CACNA1I: variants seen among roughly 807,000 people sequenced by gnomAD.
CACNA1I encodes calcium voltage-gated channel subunit alpha1 I, also known as voltage-dependent T-type calcium channel subunit alpha-1I.
In CACNA1I, 74 loss-of-function variants were observed where a neutral mutation model predicts 201.6. That is an observed-to-expected ratio of 0.37 (90% confidence interval 0.30 to 0.45). The LOEUF (loss-of-function observed/expected upper bound fraction) is 0.45. Ranked by LOEUF, CACNA1I falls within the 20% of genes least tolerant of loss-of-function variation. The pLI is 1.00. For missense variants in CACNA1I, 2,346 were observed against 3,138.1 expected (o/e 0.75, Z 6.03); for synonymous variants, 1,431 against 1,345.2 (o/e 1.06, Z -1.40).
chr22:39,619,933 G>GTCCA (rs778287495), intron 4 of CACNA1I, among the ~76,000 whole-genome samples: 8 of 150,934 alleles, frequency 5.3e-5, no homozygotes, highest in South Asian at 4.2e-4. Flanking sequence ...CTATCCACCT[G>GTCCA]TCCATCCATC....
At chr22:39,578,751 C>G (rs947815461) in intron 1 of CACNA1I, among the ~76,000 whole-genome samples, 1 of 152,170 alleles carries the variant, frequency 6.6e-6, no homozygotes, top group African/African-American at 2.4e-5. Flanking sequence ...AATCGGCTAA[C>G]TGAGCCTGGA....
intron 10 of CACNA1I, among the ~76,000 whole-genome samples, chr22:39,651,262 G>A (rs550502306): frequency 6.6e-6 from 1 of 152,302 alleles, no homozygotes; most frequent in South Asian, 2.1e-4. Context: ...TCTGTTTGCT[G>A]CCCTGCGGCC....
chr22:39,632,760 C>T (rs1934101048), intron 4 of CACNA1I, among the ~76,000 whole-genome samples: 1 of 152,200 alleles, frequency 6.6e-6, no homozygotes. Context: ...CTGCAGTTGG[C>T]CTACTTGAGT....
Position 39,662,103 on chromosome 22 carries a change from G to A in CACNA1I, c.3040G>A (p.Gly1014Ser). The change falls in exon 17 of 37, where the codon GGC becomes AGC. Residue 1014 changes from glycine to serine, a missense_variant. By Grantham distance (56) the Gly-to-Ser change is moderately conservative (BLOSUM62 0). Coordinates refer to ENST00000402142, the MANE Select transcript of CACNA1I (RefSeq NM_021096.4). Reference sequence around the variant, plus strand: ...CCTGCTCTCTGCGGAGCGCGGCGGCGGCGCCCGGGTCTGCGAGGTTGCCGC... The same window carrying A: ...CCTGCTCTCTGCGGAGCGCGGCGGCAGCGCCCGGGTCTGCGAGGTTGCCGC... Reference protein sequence around the residue: ...ESLLSAERGGGARVCEVAADE... With the variant: ...ESLLSAERGGSARVCEVAADE... 6.5e-7 allele frequency: 1 copy of A among 1,527,048 alleles called. No individual in the cohort carries two copies. The highest frequency in any genetic ancestry group is 1.4e-5 in the African/African-American group (1 of 69,980). The allele number at this position is 1,527,048 out of a possible 1,614,324, so 94.6% of individuals were successfully genotyped here.
chr22:39,634,836 G>A (rs1432749907), intron 5 of CACNA1I, 112 bp downstream of exon 5: 1 of 1,010,728 alleles, frequency 9.9e-7, no homozygotes, highest in African/African-American at 1.6e-5. Context: ...AGCAAAAAAA[G>A]AGAGGTCAGG....
At chr22:39,642,735 C>A in intron 6 of CACNA1I, 62 bp from the exon 7 acceptor site, 1 of 1,178,812 alleles carries the variant, frequency 8.5e-7, no homozygotes, top group Non-Finnish European at 1.2e-6. Context: ...TGGGGCACTG[C>A]CTGGGCTACG....
rs114310585 is a variant in CACNA1I at position 39,594,871 on chromosome 22, T to G, written c.237-3280T>G. Among the ~76,000 whole-genome samples the G allele has an allele frequency of 4.1e-3, 624 of 152,328 alleles. 5 individuals carry two copies. Among genetic ancestry groups the G allele is most frequent in the African/African-American group, 0.015 (605 of 41,566 alleles). ...GACACATTCCAAGACCCCCAGTGGATGCCTGAAGCCACAAATAGCACTGAA... is the reference window on the plus strand; with the variant it reads ...GACACATTCCAAGACCCCCAGTGGAGGCCTGAAGCCACAAATAGCACTGAA... On this transcript the variant is annotated intron_variant, in intron 1 of 36. Transcript: ENST00000402142.
At chr22:39,667,884 C>T (rs1288294048) in intron 23 of CACNA1I, among the ~76,000 whole-genome samples, 2 of 152,170 alleles carry the variant, frequency 1.3e-5, no homozygotes, top group African/African-American at 2.4e-5. Flanking sequence ...GTCTTACCCA[C>T]TGGAGTAAGG....
chr22:39,620,238 T>TCCAC (rs1487382775), intron 4 of CACNA1I, among the ~76,000 whole-genome samples: 5 of 71,744 alleles, frequency 7.0e-5, no homozygotes, highest in African/African-American at 4.2e-4. Flanking sequence ...CATCCACCTG[T>TCCAC]CCATCCATCC....
chr22:39,679,102 C>T lies in CACNA1I; in HGVS notation c.5056-5C>T, dbSNP rs146526127. On this transcript the variant is annotated splice_polypyrimidine_tract_variant and splice_region_variant and intron_variant, in intron 31 of 36. Coordinates refer to ENST00000402142, the MANE Select transcript of CACNA1I (RefSeq NM_021096.4). ...CTCATCCTCACCGCCCTCCCTGCCACGCAGGACACGCTGCGGGACTGCACC... is the reference window on the plus strand; with the variant it reads ...CTCATCCTCACCGCCCTCCCTGCCATGCAGGACACGCTGCGGGACTGCACC... 1,734 of 1,577,444 alleles carry T rather than the reference C, an allele frequency of 1.1e-3. 7 individuals carry two copies. In the African/African-American group the frequency reaches 0.012, roughly 11 times the overall value.
chr22:39,637,368 T>G (rs1934246757), intron 5 of CACNA1I, among the ~76,000 whole-genome samples: 1 of 151,942 alleles, frequency 6.6e-6, no homozygotes, highest in Admixed American at 6.6e-5. Flanking sequence ...TCAAGAAAAA[T>G]GTCTCCAGGC....
intron 1 of CACNA1I, among the ~76,000 whole-genome samples, chr22:39,580,459 T>C (rs1932511526): frequency 6.6e-6 from 1 of 152,078 alleles, no homozygotes. Flanking sequence ...GGTTTTCGTG[T>C]AAAGAGAACT....
chr22:39,682,187 C>T (rs1935725414), intron 34 of CACNA1I, among the ~76,000 whole-genome samples: 1 of 152,204 alleles, frequency 6.6e-6, no homozygotes, highest in South Asian at 2.1e-4. Context: ...AGGTCATGCT[C>T]ATGGGACACT....
At chr22:39,608,372 G>T (rs1333483459) in intron 3 of CACNA1I, among the ~76,000 whole-genome samples, 3 of 152,182 alleles carry the variant, frequency 2.0e-5, no homozygotes, top group African/African-American at 7.2e-5. Flanking sequence ...AGGCTGAGGT[G>T]GGAGGATATC....
intron 4 of CACNA1I, among the ~76,000 whole-genome samples, chr22:39,624,186 C>T (rs1049269485): frequency 2.6e-5 from 4 of 151,762 alleles, no homozygotes; most frequent in African/African-American, 9.7e-5. Context: ...GTGTGAAGAG[C>T]GTGCGTGCGC....
At chr22:39,595,481 C>T (rs1446844306) in intron 1 of CACNA1I, among the ~76,000 whole-genome samples, 7 of 151,956 alleles carry the variant, frequency 4.6e-5, no homozygotes, top group East Asian at 1.9e-4. Context: ...AAAAATTAGC[C>T]GGGCATAGTG....
At chr22:39,681,525 A>G (rs1387748896) in intron 34 of CACNA1I, among the ~76,000 whole-genome samples, 1 of 152,100 alleles carries the variant, frequency 6.6e-6, no homozygotes, top group African/African-American at 2.4e-5. Flanking sequence ...CCCACTTCAC[A>G]TGTGAGGAAA....
At position 39,666,504 on chromosome 22, in the gene CACNA1I, G is replaced by GCAGA. The variant is rs201804110; in HGVS notation, c.4104+500_4104+503dup. Among the ~76,000 whole-genome samples, 108 of 152,298 alleles carry GCAGA rather than the reference G, an allele frequency of 7.1e-4. No homozygotes were observed. In the East Asian group the frequency reaches 0.02, roughly 28 times the overall value. On this transcript the variant is annotated intron_variant, in intron 23 of 36. Transcript: ENST00000402142. This position sits in a 1 kb window ranked among gnomAD's most constrained non-coding sequence, Gnocchi z 4.1. ...CCGCTGCTCTCTGCTCTGTCGGCAG[G>GCAGA]CAGACCCCTGCCTGGTGTCTGCTTT...
intron 6 of CACNA1I, among the ~76,000 whole-genome samples, chr22:39,641,751 A>C (rs560785722): frequency 1.1e-4 from 17 of 152,322 alleles, no homozygotes; most frequent in South Asian, 4.1e-4. Context: ...GCGTGGCCCC[A>C]CTGCACTGAC....
Sources: allele counts gnomAD v4.1 joint callset (sites outside exome capture counted in the v4.1 genomes callset), GRCh38; gene constraint gnomAD v4.1.1; non-coding constraint Gnocchi (gnomAD v3.1); transcripts MANE v1.5; gene names NCBI Gene and HGNC (gene_info 2026-07-23, HGNC 2026-07-21).